Variants in ADAMTS19 observed in about 807,000 individuals in gnomAD.
ADAMTS19 encodes A disintegrin and metalloproteinase with thrombospondin motifs 19.
In ADAMTS19, 93 loss-of-function variants were observed where a neutral mutation model predicts 153.3. That is an observed-to-expected ratio of 0.61 (90% CI 0.51 to 0.72). The LOEUF is 0.72. Among genes scored for constraint, ADAMTS19 ranks in the 30% least tolerant of loss-of-function variants. The pLI, the probability that ADAMTS19 is intolerant of heterozygous loss-of-function variation, is 0.00. For synonymous variants in ADAMTS19, 600 were observed against 556.6 expected (o/e 1.08, Z -1.10); for missense variants, 1,482 against 1,552.1 (o/e 0.95, Z 0.76).
intron 15 of ADAMTS19, among the ~76,000 whole-genome samples, chr5:129,663,415 C>T (rs539968485): frequency 2.4e-4 from 37 of 152,222 alleles, no homozygotes; most frequent in Admixed American, 5.2e-4. Context: ...TCTACTAGTG[C>T]GCTGTACCAT....
At chr5:129,551,254 C>T (rs1471839096) in intron 6 of ADAMTS19, among the ~76,000 whole-genome samples, 1 of 151,468 alleles carries the variant, frequency 6.6e-6, no homozygotes, top group East Asian at 1.9e-4. Context: ...TCTATGAAAT[C>T]CTGAATAATT....
Position 129,679,751 on chromosome 5 carries a change from A to T in ADAMTS19, c.2507-13A>T. 2 of 1,575,488 alleles carry T rather than the reference A, an allele frequency of 1.3e-6. No individual in the cohort carries two copies. The highest frequency in any genetic ancestry group is 1.7e-6 in the Non-Finnish European group (2 of 1,162,246). Reference sequence around the variant, plus strand: ...CTTGTTAATACTCATTATATTTTTGAACCTCTTTATAGCTCTCCGAGATGC... The same window carrying T: ...CTTGTTAATACTCATTATATTTTTGTACCTCTTTATAGCTCTCCGAGATGC... On this transcript the variant is annotated splice_polypyrimidine_tract_variant and intron_variant, in intron 16 of 22. Transcript: ENST00000274487.
intron 21 of ADAMTS19, among the ~76,000 whole-genome samples, chr5:129,731,188 G>C (rs1757429001): frequency 6.6e-6 from 1 of 151,862 alleles, no homozygotes; most frequent in South Asian, 2.1e-4. Context: ...AGAACTCCTG[G>C]CCTCAAGTGA....
intron 2 of ADAMTS19, among the ~76,000 whole-genome samples, chr5:129,495,257 A>G (rs1337160193): frequency 6.6e-6 from 1 of 152,094 alleles, no homozygotes; most frequent in Non-Finnish European, 1.5e-5. Context: ...AGGCATGCTT[A>G]TAGTCTCTTA....
Position 129,658,674 on chromosome 5 carries a change from T to G in ADAMTS19, c.2362T>G (p.Cys788Gly). The change falls in exon 15 of 23, where the codon TGC (cysteine) becomes GGC (glycine). Residue 788 changes from cysteine to glycine, a missense_variant. Transcript: ENST00000274487. Reference sequence around the variant, plus strand: ...TGCAAGAGAAGATCATTGTGGTGTATGCAATGGCAATGGAAAATCATGCAA... The same window carrying G: ...TGCAAGAGAAGATCATTGTGGTGTAGGCAATGGCAATGGAAAATCATGCAA... Reference protein sequence around the residue: ...SLAREDHCGVCNGNGKSCKII... With the variant: ...SLAREDHCGVGNGNGKSCKII... The G allele has an allele frequency of 1.9e-6, 3 of 1,613,466 alleles. No homozygotes were observed. The highest frequency in any genetic ancestry group is 2.5e-6 in the Non-Finnish European group (3 of 1,179,646).
intron 8 of ADAMTS19, among the ~76,000 whole-genome samples, chr5:129,606,106 T>C (rs1169500745): frequency 6.6e-6 from 1 of 152,166 alleles, no homozygotes; most frequent in African/African-American, 2.4e-5. Flanking sequence ...GCAACAAATA[T>C]GCAAAGTTAC....
At chr5:129,609,185 T>C (rs572976340) in intron 8 of ADAMTS19, among the ~76,000 whole-genome samples, 7 of 152,316 alleles carry the variant, frequency 4.6e-5, no homozygotes. Context: ...TGTGGATAGT[T>C]GAGAGGGAAA....
intron 7 of ADAMTS19, among the ~76,000 whole-genome samples, chr5:129,582,672 ATG>A (rs1303783747): frequency 2.8e-4 from 43 of 151,686 alleles, no homozygotes; most frequent in Non-Finnish European, 5.0e-4. Flanking sequence ...TCCCAGGTTC[ATG>A]CCATTCTCCT....
intron 8 of ADAMTS19, among the ~76,000 whole-genome samples, chr5:129,617,819 G>A (rs1751598856): frequency 1.3e-5 from 2 of 151,748 alleles, no homozygotes; most frequent in South Asian, 4.2e-4. Flanking sequence ...TTTTCTGAAG[G>A]GCACACTTTC....
intron 2 of ADAMTS19, among the ~76,000 whole-genome samples, chr5:129,482,553 T>C (rs1016107304): frequency 7.2e-5 from 11 of 152,208 alleles, no homozygotes; most frequent in Non-Finnish European, 1.0e-4. Context: ...ATATCTAAAA[T>C]CAAATCATTT....
chr5:129,536,365 C>A (rs973756932), intron 6 of ADAMTS19, among the ~76,000 whole-genome samples: 10 of 152,258 alleles, frequency 6.6e-5, no homozygotes, highest in Admixed American at 6.5e-4. Flanking sequence ...CAATGAGATA[C>A]CATCTCACAC....
In ADAMTS19 at chr5:129,641,945, C is replaced by A. The variant is rs1367850150; in HGVS notation, c.1857C>A (p.Asp619Glu). The change falls in exon 11 of 23, where the codon GAC becomes GAA. Residue 619 changes from aspartate to glutamate, a missense_variant. Physicochemically the swap from Asp to Glu is conservative, Grantham distance 45. This residue lies in a region of ADAMTS19 where 866 missense variants were observed against 827.7 expected (regional missense o/e 1.05). Transcript: ENST00000274487. ...TAGACCCACCAATGGATGGAACTGA[C>A]TGTGACCTTGGTAAGGTAAGTCATT... ...TKLDPPMDGT[D>E]CDLGKWCKAG... 1 of 1,593,074 alleles carries A rather than the reference C, an allele frequency of 6.3e-7. No individual in the cohort carries two copies. The highest frequency in any genetic ancestry group is 1.1e-5 in the South Asian group (1 of 88,926).
intron 21 of ADAMTS19, among the ~76,000 whole-genome samples, chr5:129,717,334 A>G (rs1050897077): frequency 1.2e-4 from 19 of 152,130 alleles, no homozygotes; most frequent in African/African-American, 4.6e-4. Context: ...TGGGGGGTAC[A>G]CAGTAAGTGT....
At chr5:129,496,557 G>T (rs931410888) in intron 2 of ADAMTS19, among the ~76,000 whole-genome samples, 4 of 151,864 alleles carry the variant, frequency 2.6e-5, no homozygotes, top group African/African-American at 7.3e-5. Flanking sequence ...CTCTCTAGGG[G>T]TATGTAGGAG....
At chr5:129,721,204 T>C (rs2127200236) in intron 21 of ADAMTS19, among the ~76,000 whole-genome samples, 1 of 152,330 alleles carries the variant, frequency 6.6e-6, no homozygotes, top group East Asian at 1.9e-4. Context: ...ATAGTGGTGT[T>C]CATATAAACT....
chr5:129,491,146 T>C (rs1750757277), intron 2 of ADAMTS19, among the ~76,000 whole-genome samples: 1 of 151,966 alleles, frequency 6.6e-6, no homozygotes, highest in South Asian at 2.1e-4. Context: ...GGACTACGGG[T>C]GCCCACCACC....
chr5:129,578,404 A>G (rs916274507), intron 7 of ADAMTS19, among the ~76,000 whole-genome samples: 2 of 145,654 alleles, frequency 1.4e-5, no homozygotes, highest in African/African-American at 2.5e-5. Context: ...ATGCATGTAT[A>G]TGTACGTATA....
chr5:129,623,598 C>G (rs1430025922), intron 10 of ADAMTS19, among the ~76,000 whole-genome samples: 2 of 152,114 alleles, frequency 1.3e-5, no homozygotes, highest in Non-Finnish European at 2.9e-5. Context: ...TTATTGAATG[C>G]TCTCTTTGGT....
At chr5:129,631,330 A>C (rs1473761990) in intron 10 of ADAMTS19, among the ~76,000 whole-genome samples, 1 of 151,802 alleles carries the variant, frequency 6.6e-6, no homozygotes, top group Admixed American at 6.6e-5. Flanking sequence ...ATGCATTTCC[A>C]CAGTTGTCAG....
Sources: allele counts gnomAD v4.1 joint callset (sites outside exome capture counted in the v4.1 genomes callset), GRCh38; gene constraint gnomAD v4.1.1; regional missense constraint gnomAD v4.1.1; transcripts MANE v1.5; gene names NCBI Gene and HGNC (gene_info 2026-07-23, HGNC 2026-07-21).